The following NRXN2 variants were observed in gnomAD, a reference collection of about 807,000 sequenced individuals.
The protein encoded by NRXN2 is neurexin 2, also known as neurexin-2-beta.
Under a neutral mutation model 128.8 loss-of-function variants are expected in NRXN2, and 29 were observed. That is an observed-to-expected ratio of 0.23 (90% CI 0.17 to 0.31). NRXN2 has a LOEUF of 0.31. NRXN2 is among the 10% of genes least tolerant of loss of function. NRXN2 has a pLI of 1.00. For missense variants in NRXN2, 1,881 were observed against 2,452.6 expected (o/e 0.77, Z 4.92); for synonymous variants, 1,098 against 1,075.2 (o/e 1.02, Z -0.41).
intron 2 of NRXN2, among the ~76,000 whole-genome samples, chr11:64,707,277 C>T (rs2056436165): frequency 6.6e-6 from 1 of 151,646 alleles, no homozygotes; most frequent in South Asian, 2.1e-4. Context: ...GTCCCAGCTA[C>T]TCAGGAGGAC....
At chr11:64,700,477 C>T (rs1370299347) in intron 2 of NRXN2, among the ~76,000 whole-genome samples, 2 of 152,212 alleles carry the variant, frequency 1.3e-5, no homozygotes, top group Non-Finnish European at 2.9e-5. Context: ...GGGCACCGTA[C>T]TGACCCTCAC....
intron 2 of NRXN2, 83 bp downstream of exon 2, chr11:64,712,887 C>T (rs71579900): frequency 0.012 from 15,291 of 1,244,406 alleles, 139 homozygotes; most frequent in Non-Finnish European, 0.015. Context: ...CCTCAGGAGC[C>T]CACACACACT....
chr11:64,660,506 T>A lies in NRXN2; in HGVS notation c.2215A>T (p.Met739Leu), dbSNP rs2048873351. ...EATVLSYDGS[M>L]YMKIMLPNAM... Reference sequence around the variant, plus strand: ...TTAGGCAGCATGATCTTCATGTACATGGAGCCATCGTAGCTCAGGACCGTG... The same window carrying A: ...TTAGGCAGCATGATCTTCATGTACAAGGAGCCATCGTAGCTCAGGACCGTG... The change falls in exon 11 of 23, where the codon ATG becomes TTG. Residue 739 changes from methionine to leucine, a missense_variant. Around this residue, in one of 7 missense-constraint regions of NRXN2, gnomAD observed 997 missense variants for 1,240.8 expected, o/e 0.80. Transcript: ENST00000265459. This position sits in a 1 kb window ranked among gnomAD's most constrained non-coding sequence, Gnocchi z 5.2. 1.9e-6 allele frequency: 3 copies of A among 1,614,200 alleles called. No homozygotes were observed. The highest frequency in any genetic ancestry group is 1.7e-6 in the Non-Finnish European group (2 of 1,180,032).
chr11:64,670,871 T>C (rs897160083), intron 7 of NRXN2, among the ~76,000 whole-genome samples: 1 of 152,164 alleles, frequency 6.6e-6, no homozygotes, highest in Admixed American at 6.5e-5. Flanking sequence ...TCTCCTCTTT[T>C]GGCCTTCAGC....
At chr11:64,649,319 C>A (rs2047144894) in intron 15 of NRXN2, among the ~76,000 whole-genome samples, 1 of 152,198 alleles carries the variant, frequency 6.6e-6, no homozygotes, top group South Asian at 2.1e-4. Context: ...TTTCCCAACT[C>A]TTGGGCTCTC....
chr11:64,648,806 G>A lies in NRXN2; in HGVS notation c.3211C>T (p.Leu1071Phe). The A allele has an allele frequency of 6.2e-7, 1 of 1,614,184 alleles. No individual in the cohort carries two copies. The highest frequency in any genetic ancestry group is 8.5e-7 in the Non-Finnish European group (1 of 1,180,012). ...ATGAGGTCTGGGAGACGTCCGTTGA[G>A]GTCCACTGAGGCCAGGCAGCCCTGA... ...GFQGCLASVDLNGRLPDLIAD... is the reference protein window; with the variant it reads ...GFQGCLASVDFNGRLPDLIAD... Residue 1071 changes from leucine to phenylalanine, a missense_variant, in exon 16 of 23, where the codon CTC becomes TTC. Physicochemically the swap from Leu to Phe is conservative, Grantham distance 22. Transcript: ENST00000265459. The surrounding 1 kb of genome is among the most constrained non-coding windows in gnomAD (Gnocchi z 4.1).
intron 1 of NRXN2, among the ~76,000 whole-genome samples, chr11:64,721,232 G>A (rs1321079844): frequency 6.6e-6 from 1 of 151,948 alleles, no homozygotes; most frequent in Non-Finnish European, 1.5e-5. Context: ...GGGTAAGCGG[G>A]AGGGAGCAGC....
chr11:64,720,733 CCAGA>C (rs2057413180), intron 1 of NRXN2, among the ~76,000 whole-genome samples: 2 of 152,092 alleles, frequency 1.3e-5, no homozygotes, highest in African/African-American at 2.4e-5. Context: ...TGTTCAGCAC[CCAGA>C]CAGACATGCA....
intron 11 of NRXN2, among the ~76,000 whole-genome samples, chr11:64,655,016 C>T (rs1394719176): frequency 6.6e-6 from 1 of 152,180 alleles, no homozygotes; most frequent in South Asian, 2.1e-4. Flanking sequence ...TCCCGGCCCT[C>T]GATTGACAGG....
At position 64,651,373 on chromosome 11, in the gene NRXN2, G is replaced by C; in HGVS notation, c.2800C>G (p.Leu934Val). 6.2e-7 allele frequency: 1 copy of C among 1,614,240 alleles called. No homozygotes were observed. Among genetic ancestry groups the C allele is most frequent in the Admixed American group, 1.7e-5 (1 of 60,022 alleles). ...SRSSYLALATLQAYASMHLFF... is the reference protein window; with the variant it reads ...SRSSYLALATVQAYASMHLFF... ...AGGTGCATGGAAGCATAGGCTTGGA[G>C]CGTGGCGAGTGCCAGGTAGCTGCTG... The change falls in exon 14 of 23, where the codon CTC (leucine) becomes GTC (valine). Residue 934 changes from leucine (L) to valine (V), a missense_variant. Transcript: ENST00000265459. This position sits in a 1 kb window ranked among gnomAD's most constrained non-coding sequence, Gnocchi z 5.9.
intron 1 of NRXN2, among the ~76,000 whole-genome samples, chr11:64,722,715 C>A (rs1467521425): frequency 6.6e-6 from 1 of 151,084 alleles, no homozygotes; most frequent in African/African-American, 2.4e-5. Context: ...TCCCTTCCCC[C>A]AAAGACCCTT....
At chr11:64,663,702 G>A (rs544500309) in intron 9 of NRXN2, among the ~76,000 whole-genome samples, 1 of 152,300 alleles carries the variant, frequency 6.6e-6, no homozygotes, top group East Asian at 1.9e-4. Flanking sequence ...GATGGGGAAG[G>A]GGTGTATAAT....
intron 6 of NRXN2, among the ~76,000 whole-genome samples, chr11:64,681,410 A>C (rs1218283658): frequency 6.6e-6 from 1 of 152,236 alleles, no homozygotes; most frequent in Non-Finnish European, 1.5e-5. Flanking sequence ...ATGTGATGAG[A>C]CGGCTCAAAT....
At chr11:64,718,915 G>A (rs1450488721) in intron 1 of NRXN2, among the ~76,000 whole-genome samples, 3 of 152,232 alleles carry the variant, frequency 2.0e-5, no homozygotes, top group African/African-American at 7.2e-5. Flanking sequence ...GTGGTTAGAG[G>A]CACTGGCTCT....
intron 7 of NRXN2, among the ~76,000 whole-genome samples, chr11:64,669,349 G>C (rs572732748): frequency 2.6e-5 from 4 of 152,154 alleles, no homozygotes; most frequent in Non-Finnish European, 5.9e-5. Context: ...CAAAGGAGAG[G>C]GGAGCCCTTT....
rs570663743 is a variant in NRXN2, at chr11:64,655,310, G to C, written c.2390-1588C>G. ...CAGAGGAGCAGAAAAAGGTCAAAAG[G>C]CAGACACAGAGGGAAGTGAGAAGTC... On this transcript the variant is annotated intron_variant, in intron 11 of 22. Coordinates refer to ENST00000265459, the MANE Select transcript of NRXN2 (RefSeq NM_015080.4). Among the ~76,000 whole-genome samples, 3 of 152,330 alleles carry C rather than the reference G, an allele frequency of 2.0e-5. No homozygotes were observed. In the South Asian group the frequency reaches 6.2e-4, roughly 32 times the overall value.
intron 2 of NRXN2, among the ~76,000 whole-genome samples, chr11:64,711,060 C>T (rs564593477): frequency 6.6e-6 from 1 of 152,290 alleles, no homozygotes; most frequent in South Asian, 2.1e-4. Flanking sequence ...ATGTATTCAT[C>T]GACCACAACT....
rs567937272 is a variant in NRXN2, at chr11:64,622,008, T to G, written c.4173+745A>C. Among the ~76,000 whole-genome samples the G allele has an allele frequency of 1.4e-3, 208 of 152,104 alleles. No individual in the cohort carries two copies. The highest frequency in any genetic ancestry group is 4.9e-3 in the African/African-American group (204 of 41,510). ...TCAAGGCCCCTCCTCCCTACCAGTC[T>G]GTGCTGCAGGAAGCCTGGGACTAGG... is the stretch of plus-strand genomic sequence containing the variant. On this transcript the variant is annotated intron_variant, in intron 21 of 22. Coordinates refer to ENST00000265459, the MANE Select transcript of NRXN2 (RefSeq NM_015080.4). This position sits in a 1 kb window ranked among gnomAD's most constrained non-coding sequence, Gnocchi z 4.3.
At chr11:64,707,152 G>A (rs902265563) in intron 2 of NRXN2, among the ~76,000 whole-genome samples, 5 of 151,980 alleles carry the variant, frequency 3.3e-5, no homozygotes, top group African/African-American at 9.7e-5. Context: ...CAAGGTGGGC[G>A]GATCATGAGG....
Sources: gnomAD v4.1 joint callset for allele counts (sites outside exome capture counted in the v4.1 genomes callset) on GRCh38, gnomAD v4.1.1 for gene constraint, gnomAD v4.1.1 regional missense constraint, Gnocchi (gnomAD v3.1) non-coding constraint, MANE v1.5 for transcripts, NCBI Gene and HGNC (gene_info 2026-07-23, HGNC 2026-07-21) for gene names.